Variants in ADGRV1 observed in about 807,000 individuals in gnomAD.
ADGRV1 encodes G-protein coupled receptor 98.
ADGRV1 carries 359 observed loss-of-function variants against 596.2 expected under a neutral mutation model. That is an observed-to-expected ratio of 0.60 (90% CI 0.55 to 0.66). ADGRV1 has a LOEUF of 0.66. ADGRV1 is among the 30% of genes least tolerant of loss of function. ADGRV1 has a pLI of 0.00. For synonymous variants in ADGRV1, 2,681 were observed against 2,679.2 expected, an observed-to-expected ratio of 1.00 and a Z score of -0.02; for missense variants, 7,274 against 7,575.6, an observed-to-expected ratio of 0.96 and a Z score of 1.48.
chr5:90,579,556 G>T (rs1344031106), intron 1 of ADGRV1, among the ~76,000 whole-genome samples: 1 of 152,212 alleles, frequency 6.6e-6, no homozygotes, highest in African/African-American at 2.4e-5. Context: ...TAAGTGTGAT[G>T]TGGTGCTGAG....
Position 90,811,233 on chromosome 5 carries a change from C to A in ADGRV1, c.15973C>A (p.Gln5325Lys), listed in dbSNP as rs767603980. The A allele has an allele frequency of 2.7e-5, 43 of 1,612,640 alleles. No individual in the cohort carries two copies. Among genetic ancestry groups the A allele is most frequent in the Non-Finnish European group, 3.4e-5 (40 of 1,179,278 alleles). ...TTTGGATGATGATGAGCCTGAGGGG[C>A]AGGAATTCTTCTACGTGTTTCTCAC... ...QILDDDEPEG[Q>K]EFFYVFLTNP... The change falls in exon 74 of 90, where the codon CAG (glutamine) becomes AAG (lysine). Residue 5325 changes from glutamine to lysine, a missense_variant. Physicochemically the swap from Gln to Lys is moderately conservative, Grantham distance 53 (BLOSUM62 1). Coordinates refer to ENST00000405460, the MANE Select transcript of ADGRV1 (RefSeq NM_032119.4).
intron 70 of ADGRV1, among the ~76,000 whole-genome samples, chr5:90,800,073 C>T (rs1761190386): frequency 6.6e-6 from 1 of 152,104 alleles, no homozygotes; most frequent in Non-Finnish European, 1.5e-5. Flanking sequence ...CCAAAATTGA[C>T]CAATGGGATC....
intron 1 of ADGRV1, among the ~76,000 whole-genome samples, chr5:90,581,310 T>C (rs1289211662): frequency 6.6e-6 from 1 of 152,222 alleles, no homozygotes; most frequent in Non-Finnish European, 1.5e-5. Flanking sequence ...GGTGAGGAGC[T>C]GTGATCCTTT....
At chr5:90,698,564 T>A (rs1418241201) in intron 34 of ADGRV1, among the ~76,000 whole-genome samples, 2 of 152,118 alleles carry the variant, frequency 1.3e-5, no homozygotes, top group Non-Finnish European at 2.9e-5. Flanking sequence ...TGAAGTTATT[T>A]GAGTTGGAAG....
Position 90,720,207 on chromosome 5 carries a change from T to C in ADGRV1, c.9607T>C (p.Ser3203Pro), listed in dbSNP as rs116480183. The change falls in exon 44 of 90, where the codon TCT (serine) becomes CCT (proline). Residue 3203 changes from serine (S) to proline (P), a missense_variant. By Grantham distance (74) the Ser-to-Pro change is moderately conservative. Coordinates refer to ENST00000405460, the MANE Select transcript of ADGRV1 (RefSeq NM_032119.4). ...NQAPLGLFSI[S>P]AVENRATSID... is the part of the protein sequence containing the mutation. ...GGCCCCTTTGGGGCTATTCAGTATC[T>C]CTGCAGTTGAAAATAGGTATAGTTT... The C allele has an allele frequency of 6.4e-7, 1 of 1,553,056 alleles. No individual in the cohort carries two copies. Among genetic ancestry groups the C allele is most frequent in the Non-Finnish European group, 8.7e-7 (1 of 1,149,476 alleles).
rs1362617566 is a variant in ADGRV1 at position 90,676,064 on chromosome 5, G to A, written c.5314-16G>A. The A allele has an allele frequency of 6.3e-7, 1 of 1,581,470 alleles. No homozygotes were observed. The highest frequency in any genetic ancestry group is 1.1e-5 in the South Asian group (1 of 87,462). ...AGAATGATTGTAATCTAATGGATCA[G>A]TCTTTTATATTTCAGAATGTTGCTG... On this transcript the variant is annotated splice_polypyrimidine_tract_variant and intron_variant, in intron 24 of 89. Coordinates refer to ENST00000405460, the MANE Select transcript of ADGRV1 (RefSeq NM_032119.4).
intron 83 of ADGRV1, among the ~76,000 whole-genome samples, chr5:90,873,665 G>A (rs1036350704): frequency 1.3e-5 from 2 of 152,142 alleles, no homozygotes; most frequent in African/African-American, 4.8e-5. Flanking sequence ...GCATGGTGGT[G>A]CACGCTGTAG....
chr5:90,765,059 C>G (rs183060199), intron 59 of ADGRV1, among the ~76,000 whole-genome samples: 1 of 152,120 alleles, frequency 6.6e-6, no homozygotes, highest in Non-Finnish European at 1.5e-5. Context: ...GGGGGTCAAT[C>G]TCTGTGGACT....
intron 17 of ADGRV1, among the ~76,000 whole-genome samples, chr5:90,649,276 A>G (rs1768250946): frequency 6.6e-6 from 1 of 152,188 alleles, no homozygotes; most frequent in Non-Finnish European, 1.5e-5. Flanking sequence ...TGCTGGGATT[A>G]CAGGCGTGAA....
chr5:90,653,252 C>T lies in ADGRV1; in HGVS notation c.3678C>T (p.Leu1226=). 2.5e-6 allele frequency: 4 copies of T among 1,613,412 alleles called. No individual in the cohort carries two copies. Among genetic ancestry groups the T allele is most frequent in the Non-Finnish European group, 3.4e-6 (4 of 1,179,516 alleles). ...GPGGQLAETN[L]QVTVMVPFND... ...GGGGCCAGCTAGCAGAAACCAACCT[C>T]CAGGTGACAGTAATGGTTCCATTCA... The change falls in exon 20 of 90, where the codon CTC becomes CTT. Residue 1226 remains leucine (L), a synonymous_variant. Coordinates refer to ENST00000405460, the MANE Select transcript of ADGRV1 (RefSeq NM_032119.4).
At chr5:90,785,428 T>C (rs561375704) in intron 67 of ADGRV1, among the ~76,000 whole-genome samples, 2 of 152,128 alleles carry the variant, frequency 1.3e-5, no homozygotes, top group Non-Finnish European at 2.9e-5. Flanking sequence ...ACTAAAGAGC[T>C]TCTGCAAGGC....
At chr5:91,057,238 A>G (rs746686218) in intron 85 of ADGRV1, among the ~76,000 whole-genome samples, 1 of 152,264 alleles carries the variant, frequency 6.6e-6, no homozygotes, top group Non-Finnish European at 1.5e-5. Flanking sequence ...GTGTTTTTAA[A>G]TTATTTCCAT....
At chr5:91,160,325 G>A (rs1014834916) in intron 89 of ADGRV1, among the ~76,000 whole-genome samples, 2 of 152,114 alleles carry the variant, frequency 1.3e-5, no homozygotes, top group African/African-American at 4.8e-5. Context: ...AGTTAGGTAA[G>A]AATCAAAATG....
At chr5:90,999,081 G>A (rs1781650173) in intron 85 of ADGRV1, among the ~76,000 whole-genome samples, 1 of 151,964 alleles carries the variant, frequency 6.6e-6, no homozygotes, top group East Asian at 1.9e-4. Flanking sequence ...ATGATTTAGA[G>A]AGTGTGCTTT....
At chr5:91,037,247 C>T (rs1784985796) in intron 85 of ADGRV1, among the ~76,000 whole-genome samples, 1 of 152,164 alleles carries the variant, frequency 6.6e-6, no homozygotes, top group African/African-American at 2.4e-5. Flanking sequence ...CTTATCTTTT[C>T]AGTAGAAGGA....
Position 90,728,929 on chromosome 5 carries a change from T to C in ADGRV1, c.10422T>C (p.Phe3474=), listed in dbSNP as rs1752161680. The C allele has an allele frequency of 1.9e-6, 3 of 1,602,264 alleles. No individual in the cohort carries two copies. Among genetic ancestry groups the C allele is most frequent in the Non-Finnish European group, 2.6e-6 (3 of 1,171,328 alleles). Residue 3474 remains phenylalanine, a synonymous_variant, in exon 49 of 90, where the codon TTT becomes TTC. Transcript: ENST00000405460. ...ACCTAATATTTGCCGAAAATGTCTT[T>C]CTAGGTGAGAAGATAAAGTATTTGT... ...DIYLIFAENV[F]LGDQNSIDIF...
chr5:91,127,923 A>G (rs1582140262), intron 87 of ADGRV1, among the ~76,000 whole-genome samples: 1 of 152,184 alleles, frequency 6.6e-6, no homozygotes, highest in Non-Finnish European at 1.5e-5. Flanking sequence ...ACAAGTCTTC[A>G]GAGTTTATTA....
chr5:90,721,222 C>T (rs553920503), intron 45 of ADGRV1, among the ~76,000 whole-genome samples, 163 bp downstream of exon 45: 7 of 152,196 alleles, frequency 4.6e-5, no homozygotes, highest in South Asian at 2.1e-4. Context: ...TGAGGCTGGG[C>T]GCTCATGTGT....
At position 90,860,413 on chromosome 5, in the gene ADGRV1, G is replaced by A. The variant is rs923145930; in HGVS notation, c.17756-3344G>A. On this transcript the variant is annotated intron_variant, in intron 82 of 89. Coordinates refer to ENST00000405460, the MANE Select transcript of ADGRV1 (RefSeq NM_032119.4). ...CCTCCAGGGTTCAAGCACTTCTCCT[G>A]CCTCAGCCTCTCGAGTAGCTGGGAT... Among the ~76,000 whole-genome samples the A allele has an allele frequency of 5.9e-5, 9 of 152,000 alleles. 1 individual carries two copies. Among genetic ancestry groups the A allele is most frequent in the Admixed American group, 5.9e-4 (9 of 15,244 alleles).
Sources: allele counts gnomAD v4.1 joint callset (sites outside exome capture counted in the v4.1 genomes callset), GRCh38; gene constraint gnomAD v4.1.1; transcripts MANE v1.5; gene names NCBI Gene and HGNC (gene_info 2026-07-23, HGNC 2026-07-21).